Variants in MROH2B observed in about 807,000 individuals in gnomAD.
The protein encoded by MROH2B is maestro heat like repeat family member 2B.
A neutral mutation model predicts 208.6 loss-of-function variants in MROH2B; 177 were observed. The ratio of observed to expected loss-of-function variants is 0.85; its 90% CI spans 0.75 to 0.96. The LOEUF is 0.96. Among genes scored for constraint, MROH2B ranks in the 40% least tolerant of loss-of-function variants. The pLI, the probability that MROH2B is intolerant of heterozygous loss-of-function variation, is 0.00. For synonymous variants in MROH2B, 728 were observed against 659.0 expected (o/e 1.10, Z -1.60); for missense variants, 2,002 against 1,878.7 (o/e 1.07, Z -1.21).
rs200551661 is a variant in MROH2B at position 41,015,449 on chromosome 5, C to G, written c.2914G>C (p.Gly972Arg). ...TCACTTTCCAGCCCTTCCTGCAAAC[C>G]CTGCAGTCTTTCCACTTCCAAGTGA... ...GIHLEVERLQ[G>R]LQEGLESDDV... is the part of the protein sequence containing the mutation. Residue 972 changes from glycine (G) to arginine (R), a missense_variant, in exon 29 of 42, where the codon GGT becomes CGT. Gly to Arg is a moderately radical substitution (Grantham distance 125). Transcript: ENST00000399564. The G allele has an allele frequency of 7.4e-6, 12 of 1,613,498 alleles. No homozygotes were observed. Among genetic ancestry groups the G allele is most frequent in the South Asian group, 2.2e-5 (2 of 91,008 alleles).
intron 24 of MROH2B, among the ~76,000 whole-genome samples, chr5:41,025,623 C>A (rs13162635): frequency 6.6e-6 from 1 of 151,970 alleles, no homozygotes; most frequent in East Asian, 1.9e-4. Context: ...GGAGCCGGTA[C>A]CATTCCTTCT....
In MROH2B at chr5:41,005,421, C is replaced by G. The variant is rs1477720593; in HGVS notation, c.3864+110G>C. The G allele has an allele frequency of 6.5e-5, 14 of 216,566 alleles. 3 individuals carry two copies. The highest frequency in any genetic ancestry group is 1.4e-4 in the African/African-American group (4 of 29,222). 13.4% of individuals were successfully genotyped at this position (216,566 alleles called of 1,614,324 possible). Reference sequence around the variant, plus strand: ...GGTCTCTCCTCTATGAAACCCCCCCCCCCCTTGAAGTCTCTCTTCCCTGGT... The same window carrying G: ...GGTCTCTCCTCTATGAAACCCCCCCGCCCCTTGAAGTCTCTCTTCCCTGGT... On this transcript the variant is annotated intron_variant, in intron 35 of 41. Transcript: ENST00000399564.
intron 9 of MROH2B, among the ~76,000 whole-genome samples, chr5:41,056,851 T>C (rs1242272989): frequency 1.3e-5 from 2 of 152,114 alleles, no homozygotes; most frequent in Non-Finnish European, 2.9e-5. Flanking sequence ...CTTCCTTGGT[T>C]TGAGAACTGA....
chr5:41,055,319 G>T (rs1299046347), intron 10 of MROH2B, among the ~76,000 whole-genome samples: 1 of 152,098 alleles, frequency 6.6e-6, no homozygotes, highest in African/African-American at 2.4e-5. Flanking sequence ...TCATTCAATT[G>T]TAAGATGCAT....
At chr5:41,036,270 C>T (rs542406803) in intron 21 of MROH2B, among the ~76,000 whole-genome samples, 1 of 152,138 alleles carries the variant, frequency 6.6e-6, no homozygotes, top group East Asian at 1.9e-4. Context: ...GCAGGTCTTT[C>T]CTGTGCTGTT....
At chr5:41,009,252 AGTGATGG>A (rs1263726219) in intron 32 of MROH2B, 21 bp downstream of exon 32, 2 of 1,611,924 alleles carry the variant, frequency 1.2e-6, no homozygotes, top group Non-Finnish European at 1.7e-6. Context: ...GTCTCAGGCA[AGTGATGG>A]GTTCAGGCTG....
chr5:41,016,592 C>T (rs900485277), intron 28 of MROH2B, among the ~76,000 whole-genome samples: 1 of 132,096 alleles, frequency 7.6e-6, no homozygotes, highest in Non-Finnish European at 1.5e-5. Context: ...GATTCTCATG[C>T]CTCAGCCTCC....
At chr5:41,003,092 C>T (rs1241690252) in intron 37 of MROH2B, among the ~76,000 whole-genome samples, 3 of 151,852 alleles carry the variant, frequency 2.0e-5, no homozygotes, top group Admixed American at 2.0e-4. Context: ...TCCCTAGTAG[C>T]TGGGACTACA....
chr5:41,004,750 A>T, intron 36 of MROH2B, 24 bp downstream of exon 36: 1 of 1,604,588 alleles, frequency 6.2e-7, no homozygotes, highest in Non-Finnish European at 8.5e-7. Flanking sequence ...TAAATGAACC[A>T]TTTCCCCTTA....
rs552074538 is a variant in MROH2B, at chr5:41,054,439, A to C, written c.1107+328T>G. On this transcript the variant is annotated intron_variant, in intron 11 of 41. Transcript: ENST00000399564. ...ACATTATCTTTATAATTAACAAGTA[A>C]TTTTTAAACTATTTGAAGTGCATTG... Among the ~76,000 whole-genome samples the C allele has an allele frequency of 3.5e-4, 53 of 152,306 alleles. No individual in the cohort carries two copies. In the South Asian group the frequency reaches 5.4e-3, roughly 15 times the overall value.
chr5:41,030,783 C>T (rs1194475240), intron 24 of MROH2B, among the ~76,000 whole-genome samples: 1 of 151,984 alleles, frequency 6.6e-6, no homozygotes, highest in South Asian at 2.1e-4. Context: ...ACTGATGGAA[C>T]AGAATAGAGA....
chr5:41,028,114 C>A (rs1742442866), intron 24 of MROH2B, among the ~76,000 whole-genome samples: 1 of 152,098 alleles, frequency 6.6e-6, no homozygotes, highest in Non-Finnish European at 1.5e-5. Flanking sequence ...GTGTAGCACA[C>A]CAACATGGGA....
At chr5:41,064,660 G>A in intron 4 of MROH2B, 90 bp from the exon 5 acceptor site, 1 of 914,270 alleles carries the variant, frequency 1.1e-6, no homozygotes, top group South Asian at 1.5e-5. Flanking sequence ...GCATTTCAGG[G>A]CTGCACGGAG....
chr5:41,009,911 TAAGGATCTACCTGTCAA>T lies in MROH2B; in HGVS notation c.3287_3293+10del. 6.2e-7 allele frequency: 1 copy of T among 1,611,216 alleles called. No homozygotes were observed. The highest frequency in any genetic ancestry group is 8.5e-7 in the Non-Finnish European group (1 of 1,178,466). On this transcript the variant is annotated splice_donor_variant and splice_donor_5th_base_variant and coding_sequence_variant and intron_variant, in exon 31 of 42. Coordinates refer to ENST00000399564, the MANE Select transcript of MROH2B (RefSeq NM_173489.5). LOFTEE classifies it high-confidence loss of function. ...TCCCTAGGAGAAGGAATCAGTTCAA[TAAGGATCTACCTGTCAA>T]AAGGCAGAGGCTTCTGTAAAAGGTT...
At position 41,017,953 on chromosome 5, in the gene MROH2B, T is replaced by G. The variant is rs770040994; in HGVS notation, c.2781A>C (p.Lys927Asn). ...CCAGAAGTCCAAGCAGTGAACCAAT[T>G]TTAAAGTTCTCTGGTGCCTGCAGGA... ...TNDIEAPENF[K>N]IGSLLGLLAP... Residue 927 changes from lysine (K) to asparagine (N), a missense_variant, in exon 28 of 42, where the codon AAA becomes AAC. Lys to Asn is a moderately conservative substitution (Grantham distance 94). Coordinates refer to ENST00000399564, the MANE Select transcript of MROH2B (RefSeq NM_173489.5). 3 of 1,576,154 alleles carry G rather than the reference T, an allele frequency of 1.9e-6. No homozygotes were observed. Among genetic ancestry groups the G allele is most frequent in the Non-Finnish European group, 8.6e-7 (1 of 1,159,570 alleles).
At position 41,051,104 on chromosome 5, in the gene MROH2B, C is replaced by A; in HGVS notation, c.1231-14G>T. 6.7e-7 allele frequency: 1 copy of A among 1,502,996 alleles called. No individual in the cohort carries two copies. The highest frequency in any genetic ancestry group is 1.4e-5 in the South Asian group (1 of 73,344). The allele number at this position is 1,502,996 out of a possible 1,614,324, so 93.1% of individuals were successfully genotyped here. A position where few individuals can be genotyped will look rare whatever the true frequency, so the allele number is the denominator to read the frequency against. On this transcript the variant is annotated splice_polypyrimidine_tract_variant and intron_variant, in intron 12 of 41. Coordinates refer to ENST00000399564, the MANE Select transcript of MROH2B (RefSeq NM_173489.5). ...CACTGGTTTCTCCTTTAAGAAAGAT[C>A]AAACAGGTGACTTGTTAATGACTCC...
At position 41,032,760 on chromosome 5, in the gene MROH2B, A is replaced by ATACCTGAGATACC; in HGVS notation, c.2422_2423insGGTATCTCAGGTA (p.Ile808ArgfsTer8). 6.2e-7 allele frequency: 1 copy of ATACCTGAGATACC among 1,612,582 alleles called. No homozygotes were observed. The highest frequency in any genetic ancestry group is 8.5e-7 in the Non-Finnish European group (1 of 1,179,106). On this transcript the variant is annotated frameshift_variant, in exon 24 of 42. Coordinates refer to ENST00000399564, the MANE Select transcript of MROH2B (RefSeq NM_173489.5). LOFTEE classifies it high-confidence loss of function. Reference sequence around the variant, plus strand: ...TATCTACCTGAGATACCTAATGGCGATTAAGGCTTTCCACCGAATAGGGCT... The same window carrying ATACCTGAGATACC: ...TATCTACCTGAGATACCTAATGGCGATACCTGAGATACCTTAAGGCTTTCCACCGAATAGGGCT...
intron 10 of MROH2B, among the ~76,000 whole-genome samples, chr5:41,055,269 A>C (rs879754438): frequency 6.6e-6 from 1 of 152,184 alleles, no homozygotes; most frequent in Non-Finnish European, 1.5e-5. Context: ...CCATTATTTC[A>C]TATTGCACCA....
At chr5:41,045,653 T>G in intron 18 of MROH2B, 93 bp downstream of exon 18, 1 of 862,826 alleles carries the variant, frequency 1.2e-6, no homozygotes, top group Non-Finnish European at 1.9e-6. Context: ...TGTTCCTCCC[T>G]CCCTTTGATT....
Sources: gnomAD v4.1 joint callset for allele counts (sites outside exome capture counted in the v4.1 genomes callset) on GRCh38, gnomAD v4.1.1 for gene constraint, MANE v1.5 for transcripts, NCBI Gene and HGNC (gene_info 2026-07-23, HGNC 2026-07-21) for gene names.